KHDRBS2: variants seen among roughly 807,000 people sequenced by gnomAD.
The protein encoded by KHDRBS2 is KH RNA binding domain containing, signal transduction associated 2.
A neutral mutation model predicts 44.3 loss-of-function variants in KHDRBS2; 26 were observed. The ratio of observed to expected loss-of-function variants is 0.59; its 90% CI spans 0.43 to 0.81. KHDRBS2 has a LOEUF of 0.81. Ranked by LOEUF, KHDRBS2 falls within the 40% of genes least tolerant of loss-of-function variation. The pLI is 0.00. For missense variants in KHDRBS2, 476 were observed against 433.1 expected, an observed-to-expected ratio of 1.10 and a Z score of -0.88; for synonymous variants, 194 against 151.1, an observed-to-expected ratio of 1.28 and a Z score of -2.08.
chr6:62,057,169 TTATAAAAG>T (rs1790480557), intron 2 of KHDRBS2, among the ~76,000 whole-genome samples: 1 of 151,916 alleles, frequency 6.6e-6, no homozygotes, highest in Non-Finnish European at 1.5e-5. Flanking sequence ...GTTTTAAAAT[TTATAAAAG>T]TACAATCTAC....
Position 61,978,060 on chromosome 6 carries a change from A to C in KHDRBS2, c.483+6T>G, listed in dbSNP as rs1244438985. On this transcript the variant is annotated splice_donor_region_variant and intron_variant, in intron 4 of 8. Coordinates refer to ENST00000281156, the MANE Select transcript of KHDRBS2 (RefSeq NM_152688.4). ...AACATCTTTGTAAAAAATGAAAGAC[A>C]CTTACAGGAACCAGGAATTTTTTAA... 1 of 1,585,492 alleles carries C rather than the reference A, an allele frequency of 6.3e-7. No individual in the cohort carries two copies. Among genetic ancestry groups the C allele is most frequent in the Non-Finnish European group, 8.5e-7 (1 of 1,170,738 alleles).
intron 2 of KHDRBS2, among the ~76,000 whole-genome samples, chr6:62,081,427 T>A (rs1797370930): frequency 6.6e-6 from 1 of 152,162 alleles, no homozygotes; most frequent in Non-Finnish European, 1.5e-5. Context: ...TTCTTGAGTA[T>A]TAAAGTTGTG....
chr6:61,543,124 T>C, the KHDRBS2 span, among the ~76,000 whole-genome samples: 1 of 151,884 alleles, frequency 6.6e-6, no homozygotes, highest in Non-Finnish European at 1.5e-5. Context: ...GATCACATCA[T>C]GTTAAAAACC....
intron 6 of KHDRBS2, among the ~76,000 whole-genome samples, chr6:61,842,741 C>T (rs563190944): frequency 5.2e-4 from 79 of 152,152 alleles, no homozygotes; most frequent in Non-Finnish European, 9.8e-4. Context: ...GAATTAACAA[C>T]ACATGTCCAC....
intron 1 of KHDRBS2, among the ~76,000 whole-genome samples, chr6:62,214,004 A>T (rs1181913831): frequency 6.6e-6 from 1 of 152,008 alleles, no homozygotes; most frequent in Non-Finnish European, 1.5e-5. Context: ...TTAGCCATTT[A>T]AGTATAAAAT....
the KHDRBS2 span, among the ~76,000 whole-genome samples, chr6:61,658,114 T>C: frequency 6.6e-6 from 1 of 151,874 alleles, no homozygotes; most frequent in Non-Finnish European, 1.5e-5. Flanking sequence ...AAAACATAAA[T>C]CCTGCCCTTT....
chr6:61,903,522 A>T (rs951458982), intron 4 of KHDRBS2, among the ~76,000 whole-genome samples: 1 of 152,212 alleles, frequency 6.6e-6, no homozygotes, highest in Non-Finnish European at 1.5e-5. Flanking sequence ...AATGAGGAAT[A>T]GGAGGAAAAG....
At chr6:61,757,899 C>T (rs889822078) in intron 6 of KHDRBS2, among the ~76,000 whole-genome samples, 13 of 152,140 alleles carry the variant, frequency 8.5e-5, no homozygotes, top group Admixed American at 1.3e-4. Flanking sequence ...TATTCCCAGT[C>T]CTGTGCGAAT....
At chr6:62,020,137 A>C (rs1781984257) in intron 3 of KHDRBS2, among the ~76,000 whole-genome samples, 1 of 152,008 alleles carries the variant, frequency 6.6e-6, no homozygotes, top group South Asian at 2.1e-4. Context: ...TTCAGTTAAA[A>C]ATAATGCCTA....
At chr6:61,783,174 A>G (rs1783271251) in intron 6 of KHDRBS2, among the ~76,000 whole-genome samples, 1 of 152,138 alleles carries the variant, frequency 6.6e-6, no homozygotes, top group Admixed American at 6.6e-5. Context: ...AACAATAAAG[A>G]TATTCAGCTT....
At chr6:61,940,242 C>CAA (rs3076276) in intron 4 of KHDRBS2, among the ~76,000 whole-genome samples, 1 of 146,214 alleles carries the variant, frequency 6.8e-6, no homozygotes, top group African/African-American at 2.5e-5. Context: ...AATAAAAGTT[C>CAA]AAAAAAAAAA....
chr6:61,890,058 C>T (rs1195076996), intron 6 of KHDRBS2, among the ~76,000 whole-genome samples: 2 of 152,126 alleles, frequency 1.3e-5, no homozygotes, highest in Non-Finnish European at 2.9e-5. Context: ...TTATCTCTAC[C>T]TCATTAATTT....
chr6:62,034,807 T>C (rs1225482055), intron 3 of KHDRBS2, among the ~76,000 whole-genome samples: 4 of 151,376 alleles, frequency 2.6e-5, no homozygotes, highest in Non-Finnish European at 5.9e-5. Context: ...TCTAATAATC[T>C]GATTAAAAAT....
chr6:61,690,807 G>T (rs1008483358), intron 8 of KHDRBS2, among the ~76,000 whole-genome samples: 1 of 151,984 alleles, frequency 6.6e-6, no homozygotes, highest in Non-Finnish European at 1.5e-5. Context: ...GTAGTCATGA[G>T]AAGCAGATAC....
At chr6:61,646,965 AC>A in the KHDRBS2 span, among the ~76,000 whole-genome samples, 54 of 151,854 alleles carry the variant, frequency 3.6e-4, no homozygotes, top group Non-Finnish European at 6.5e-4. Context: ...GATTACAGGC[AC>A]CCACCACCAT....
chr6:62,173,792 C>A, intron 2 of KHDRBS2, among the ~76,000 whole-genome samples: 1 of 151,686 alleles, frequency 6.6e-6, no homozygotes, highest in Non-Finnish European at 1.5e-5. Context: ...TGATTATTCA[C>A]ACAAATTAAA....
intron 1 of KHDRBS2, among the ~76,000 whole-genome samples, chr6:62,201,949 G>C (rs1827081066): frequency 6.6e-6 from 1 of 151,888 alleles, no homozygotes; most frequent in Non-Finnish European, 1.5e-5. Flanking sequence ...TATTCTTATG[G>C]ATATGTAAAA....
rs113430440 is a variant in KHDRBS2 at position 62,278,661 on chromosome 6, T to C, written c.91+7197A>G. 1.0e-3 allele frequency among the ~76,000 whole-genome samples: 155 copies of C among 152,300 alleles called. 1 individual carries two copies. The highest frequency in any genetic ancestry group is 3.6e-3 in the African/African-American group (148 of 41,582). On this transcript the variant is annotated intron_variant, in intron 1 of 8. Coordinates refer to ENST00000281156, the MANE Select transcript of KHDRBS2 (RefSeq NM_152688.4). ...AGATAAACATAAGAAGACTTTCTTT[T>C]CTAGAAAGTGGAAAAAAGGAGGCCA...
chr6:61,774,247 T>G (rs112468935), intron 6 of KHDRBS2, among the ~76,000 whole-genome samples: 1 of 152,208 alleles, frequency 6.6e-6, no homozygotes, highest in Admixed American at 6.5e-5. Flanking sequence ...TATGGCCATT[T>G]TCACGATATT....
Sources: gnomAD v4.1 joint callset for allele counts (sites outside exome capture counted in the v4.1 genomes callset) on GRCh38, gnomAD v4.1.1 for gene constraint, MANE v1.5 for transcripts, NCBI Gene and HGNC (gene_info 2026-07-23, HGNC 2026-07-21) for gene names.